TMCC1: variants seen among roughly 807,000 people sequenced by gnomAD.
TMCC1 encodes the protein transmembrane and coiled-coil domain family 1, also known as transmembrane and coiled-coil domains protein 1.
A neutral mutation model predicts 52.4 loss-of-function variants in TMCC1; 15 were observed. That is an observed-to-expected ratio of 0.29 (90% CI 0.19 to 0.44). TMCC1 has a LOEUF of 0.44. Among genes scored for constraint, TMCC1 ranks in the 20% least tolerant of loss-of-function variants. The pLI, the probability that TMCC1 is intolerant of heterozygous loss-of-function variation, is 1.00. For synonymous variants in TMCC1, 279 were observed against 301.9 expected (o/e 0.92, Z 0.79); for missense variants, 503 against 806.0 (o/e 0.62, Z 4.55).
At chr3:129,731,138 G>A (rs1576612902) in intron 4 of TMCC1, among the ~76,000 whole-genome samples, 1 of 152,174 alleles carries the variant, frequency 6.6e-6, no homozygotes, top group Non-Finnish European at 1.5e-5. Context: ...TAACCAAGCA[G>A]GGTTTGTATC....
intron 4 of TMCC1, among the ~76,000 whole-genome samples, chr3:129,763,270 G>T (rs1235154167): frequency 6.8e-6 from 1 of 147,324 alleles, no homozygotes; most frequent in African/African-American, 2.5e-5. Context: ...ATAGCCAGGT[G>T]TGGAGCTCAG....
At chr3:129,664,220 T>C (rs1398558399) in intron 5 of TMCC1, among the ~76,000 whole-genome samples, 1 of 152,224 alleles carries the variant, frequency 6.6e-6, no homozygotes, top group Non-Finnish European at 1.5e-5. Flanking sequence ...AGCCTACATA[T>C]CGTCTGGAGA....
intron 4 of TMCC1, among the ~76,000 whole-genome samples, chr3:129,805,983 G>A (rs1416207771): frequency 2.0e-5 from 3 of 151,990 alleles, no homozygotes; most frequent in African/African-American, 4.8e-5. Context: ...AATCACTTTG[G>A]TAGCTACTTT....
chr3:129,802,305 C>T (rs769452576), intron 4 of TMCC1, among the ~76,000 whole-genome samples: 3 of 152,150 alleles, frequency 2.0e-5, no homozygotes, highest in Non-Finnish European at 4.4e-5. Context: ...CTTTTATTTA[C>T]ACATTGTACA....
chr3:129,681,032 A>G (rs753408191), intron 4 of TMCC1, among the ~76,000 whole-genome samples: 2 of 152,140 alleles, frequency 1.3e-5, no homozygotes, highest in Non-Finnish European at 2.9e-5. Context: ...AGATATGATG[A>G]TGGTAGTGAT....
chr3:129,757,050 AT>A (rs1485193258), intron 4 of TMCC1, among the ~76,000 whole-genome samples: 2 of 152,286 alleles, frequency 1.3e-5, no homozygotes, highest in Non-Finnish European at 2.9e-5. Flanking sequence ...TGTTTGCCAT[AT>A]GGCCTGCTTC....
intron 4 of TMCC1, among the ~76,000 whole-genome samples, chr3:129,799,017 A>G (rs1275310150): frequency 6.6e-6 from 1 of 152,238 alleles, no homozygotes; most frequent in Non-Finnish European, 1.5e-5. Context: ...ACAAAAGCCC[A>G]TGCAACTGCC....
chr3:129,764,861 G>A (rs1325694360), intron 4 of TMCC1, among the ~76,000 whole-genome samples: 5 of 133,754 alleles, frequency 3.7e-5, no homozygotes, highest in Non-Finnish European at 7.6e-5. Flanking sequence ...GAGTGTAGTG[G>A]TGCAATAATA....
intron 2 of TMCC1, among the ~76,000 whole-genome samples, chr3:129,836,486 T>G (rs776435917): frequency 6.6e-6 from 1 of 152,246 alleles, no homozygotes; most frequent in Non-Finnish European, 1.5e-5. Flanking sequence ...TTAAAAAAAC[T>G]GAAATAATAC....
At chr3:129,827,467 T>C (rs1226927744) in intron 4 of TMCC1, among the ~76,000 whole-genome samples, 1 of 152,178 alleles carries the variant, frequency 6.6e-6, no homozygotes, top group African/African-American at 2.4e-5. Context: ...CATCTCCATG[T>C]GCAAAATCAA....
chr3:129,883,413 G>A (rs534055752), intron 1 of TMCC1, among the ~76,000 whole-genome samples: 2 of 152,256 alleles, frequency 1.3e-5, no homozygotes, highest in East Asian at 1.9e-4. Flanking sequence ...AGGAGTTTGA[G>A]ATCAGTCCGG....
chr3:129,709,697 G>A (rs535505554), intron 4 of TMCC1, among the ~76,000 whole-genome samples: 2 of 151,864 alleles, frequency 1.3e-5, no homozygotes, highest in Admixed American at 1.3e-4. Context: ...AAGTGTCAAC[G>A]AATACATACT....
chr3:129,697,860 T>C (rs1288428555), intron 4 of TMCC1, among the ~76,000 whole-genome samples: 2 of 152,190 alleles, frequency 1.3e-5, no homozygotes, highest in Non-Finnish European at 2.9e-5. Context: ...CCGGACTTTA[T>C]TGTCCATATC....
intron 2 of TMCC1, among the ~76,000 whole-genome samples, chr3:129,854,150 G>T (rs1345792123): frequency 1.3e-5 from 2 of 152,014 alleles, no homozygotes; most frequent in African/African-American, 4.8e-5. Context: ...CCAGCACTTT[G>T]GGAGGCTGAG....
intron 4 of TMCC1, among the ~76,000 whole-genome samples, chr3:129,803,764 CT>C (rs2057316465): frequency 6.6e-6 from 1 of 151,806 alleles, no homozygotes; most frequent in South Asian, 2.1e-4. Context: ...CTTTTGATTT[CT>C]TTTTAATACC....
chr3:129,843,738 T>A (rs967626644), intron 2 of TMCC1, among the ~76,000 whole-genome samples: 4 of 151,992 alleles, frequency 2.6e-5, no homozygotes, highest in African/African-American at 9.7e-5. Flanking sequence ...AGTTTGAAAC[T>A]TCCCAAAAAA....
At chr3:129,758,478 C>T (rs2053210790) in intron 4 of TMCC1, among the ~76,000 whole-genome samples, 1 of 152,090 alleles carries the variant, frequency 6.6e-6, no homozygotes, top group South Asian at 2.1e-4. Flanking sequence ...GTTGCTAAAT[C>T]CAGAACCCAA....
chr3:129,681,674 G>A (rs1262385131), intron 4 of TMCC1, among the ~76,000 whole-genome samples: 2 of 152,000 alleles, frequency 1.3e-5, no homozygotes, highest in African/African-American at 4.8e-5. Context: ...TTGGGAGGCC[G>A]AGACAAGCGG....
intron 3 of TMCC1, among the ~76,000 whole-genome samples, chr3:129,829,108 A>G (rs755614221): frequency 6.6e-6 from 1 of 152,232 alleles, no homozygotes; most frequent in Non-Finnish European, 1.5e-5. Flanking sequence ...GGAAATAAAA[A>G]TCCTGTAAGT....
Sources: allele counts gnomAD v4.1 joint callset (sites outside exome capture counted in the v4.1 genomes callset), GRCh38; gene constraint gnomAD v4.1.1; transcripts MANE v1.5; gene names NCBI Gene and HGNC (gene_info 2026-07-23, HGNC 2026-07-21).